PTPRN2: variants seen among roughly 807,000 people sequenced by gnomAD.
The protein encoded by PTPRN2 is protein tyrosine phosphatase receptor type N2.
PTPRN2 carries 74 observed loss-of-function variants against 118.8 expected under a neutral mutation model. The ratio of observed to expected loss-of-function variants is 0.62; its 90% confidence interval spans 0.52 to 0.76. PTPRN2 has a LOEUF of 0.76. Ranked by LOEUF, PTPRN2 falls within the 30% of genes least tolerant of loss-of-function variation. PTPRN2 has a pLI of 0.00. For synonymous variants in PTPRN2, 641 were observed against 608.0 expected (o/e 1.05, Z -0.80); for missense variants, 1,481 against 1,394.4 (o/e 1.06, Z -0.99).
intron 14 of PTPRN2, among the ~76,000 whole-genome samples, chr7:157,644,608 C>G (rs1431168976): frequency 6.6e-6 from 1 of 152,098 alleles, no homozygotes; most frequent in East Asian, 1.9e-4. Context: ...TCAGCCTGAC[C>G]AACATGGAGA....
intron 2 of PTPRN2, among the ~76,000 whole-genome samples, chr7:158,472,798 G>A (rs1819961440): frequency 6.6e-6 from 1 of 152,184 alleles, no homozygotes; most frequent in South Asian, 2.1e-4. Context: ...GGGCCCGAGA[G>A]CTGGCCGTCC....
At position 157,729,861 on chromosome 7, in the gene PTPRN2, T is replaced by G. The variant is rs1799796354; in HGVS notation, c.1789-46924A>C. ...ATGAGGGAAGGACCGTCCATTTGAC[T>G]GGGCCACAGGTGTTTAGATTAAACC... On this transcript the variant is annotated intron_variant, in intron 12 of 22. Coordinates refer to ENST00000389418, the MANE Select transcript of PTPRN2 (RefSeq NM_002847.5). The surrounding 1 kb of genome is among the most constrained non-coding windows in gnomAD (Gnocchi z 4.3). Among the ~76,000 whole-genome samples, 1 of 152,142 alleles carries G rather than the reference T, an allele frequency of 6.6e-6. No homozygotes were observed. The highest frequency in any genetic ancestry group is 6.5e-5 in the Admixed American group (1 of 15,268).
intron 13 of PTPRN2, among the ~76,000 whole-genome samples, chr7:157,657,875 C>A (rs1439908632): frequency 1.8e-5 from 2 of 112,588 alleles, no homozygotes; most frequent in Admixed American, 1.8e-4. Context: ...ACACACACAC[C>A]ACACACACAC....
intron 2 of PTPRN2, among the ~76,000 whole-genome samples, chr7:158,393,920 C>T (rs115548970): frequency 0.01 from 1,551 of 152,148 alleles, 30 homozygotes; most frequent in African/African-American, 0.035. Flanking sequence ...ACCCAAACCC[C>T]AAGGACACCA....
At chr7:158,070,464 CCGTGGTGGTGGAGGTGCT>C (rs1811178324) in intron 11 of PTPRN2, among the ~76,000 whole-genome samples, 1 of 70,290 alleles carries the variant, frequency 1.4e-5, no homozygotes, top group African/African-American at 6.8e-5. Flanking sequence ...GTGGAGGTGC[CCGTGGTGGTGGAGGTGCT>C]CCTGGTGGTG....
intron 1 of PTPRN2, among the ~76,000 whole-genome samples, chr7:158,501,279 C>T (rs1259923601): frequency 1.3e-5 from 2 of 152,196 alleles, no homozygotes; most frequent in African/African-American, 4.8e-5. Context: ...AGACCCTCTC[C>T]CCGCCCGGGG....
chr7:157,697,758 T>C (rs1241221931), intron 12 of PTPRN2, among the ~76,000 whole-genome samples: 3 of 143,086 alleles, frequency 2.1e-5, no homozygotes, highest in African/African-American at 7.9e-5. Context: ...CGTCTACCCA[T>C]GCATACTGGA....
At position 158,550,456 on chromosome 7, in the gene PTPRN2, C is replaced by T. The variant is rs564070930; in HGVS notation, c.112+37102G>A. ...CTTTAACACCCAGTTCAGGTGCCTC[C>T]CCTAAGACAGGGCTGAGGTCTGGGC... On this transcript the variant is annotated intron_variant, in intron 1 of 22. Transcript: ENST00000389418. Among the ~76,000 whole-genome samples, 7 of 152,380 alleles carry T rather than the reference C, an allele frequency of 4.6e-5. No homozygotes were observed. The East Asian group carries it at 1.4e-3, about 29-fold the overall frequency.
intron 12 of PTPRN2, among the ~76,000 whole-genome samples, chr7:157,833,332 C>T (rs370717786): frequency 6.5e-4 from 96 of 146,760 alleles, no homozygotes; most frequent in African/African-American, 2.2e-3. Context: ...CGTCCAGGAG[C>T]GAGATGTGGC....
chr7:157,572,083 C>T (rs547118866), intron 19 of PTPRN2, among the ~76,000 whole-genome samples: 8 of 152,266 alleles, frequency 5.3e-5, no homozygotes, highest in Non-Finnish European at 1.2e-4. Flanking sequence ...CTTCATTGTG[C>T]AGAGTTTAGA....
At chr7:158,333,873 C>A (rs1422299839) in intron 2 of PTPRN2, among the ~76,000 whole-genome samples, 3 of 145,078 alleles carry the variant, frequency 2.1e-5, no homozygotes, top group Admixed American at 6.8e-5. Context: ...TCACTCACAC[C>A]CACACTCTCA....
chr7:157,595,675 G>C (rs1801293469), intron 16 of PTPRN2, among the ~76,000 whole-genome samples: 1 of 151,890 alleles, frequency 6.6e-6, no homozygotes, highest in South Asian at 2.1e-4. Context: ...GAGCCCAGAG[G>C]TTAGGGAGCC....
Position 158,081,402 on chromosome 7 carries a change from T to C in PTPRN2, c.1644-25A>G, listed in dbSNP as rs199710846. ...CCTGGAAGGGATAATTTAAAATAAG[T>C]TCATAACGAAGTCTACGCGCCACAC... is the stretch of plus-strand genomic sequence containing the variant. On this transcript the variant is annotated intron_variant, in intron 10 of 22. Coordinates refer to ENST00000389418, the MANE Select transcript of PTPRN2 (RefSeq NM_002847.5). 1,323 of 1,608,210 alleles carry C rather than the reference T, an allele frequency of 8.2e-4. 1 individual carries two copies. The highest frequency in any genetic ancestry group is 1.1e-3 in the Non-Finnish European group (1,239 of 1,174,812).
chr7:157,824,095 G>A (rs535546943), intron 12 of PTPRN2, among the ~76,000 whole-genome samples: 3 of 152,272 alleles, frequency 2.0e-5, no homozygotes, highest in South Asian at 4.1e-4. Context: ...CAATCCCCCT[G>A]AACCCAGCGA....
intron 11 of PTPRN2, among the ~76,000 whole-genome samples, chr7:157,950,674 C>A (rs1181519893): frequency 6.6e-6 from 1 of 152,212 alleles, no homozygotes; most frequent in African/African-American, 2.4e-5. Context: ...TGTGCAGCCG[C>A]CTCACCCATG....
chr7:158,185,640 G>C (rs1825070635), intron 5 of PTPRN2, among the ~76,000 whole-genome samples: 1 of 152,174 alleles, frequency 6.6e-6, no homozygotes, highest in Admixed American at 6.5e-5. Flanking sequence ...AGTCCACTCT[G>C]TCTAATATTA....
At chr7:157,813,000 AG>A (rs940675711) in intron 12 of PTPRN2, among the ~76,000 whole-genome samples, 1 of 152,186 alleles carries the variant, frequency 6.6e-6, no homozygotes, top group Non-Finnish European at 1.5e-5. Context: ...CCCGGACCAC[AG>A]CCTCTGGATG....
chr7:158,128,855 G>T (rs1817915744), intron 9 of PTPRN2, among the ~76,000 whole-genome samples: 1 of 152,082 alleles, frequency 6.6e-6, no homozygotes, highest in African/African-American at 2.4e-5. Flanking sequence ...CAGGACACCT[G>T]CAGGGAAACA....
rs548744834 is a variant in PTPRN2 at position 158,464,606 on chromosome 7, C to A, written c.163+25129G>T. Among the ~76,000 whole-genome samples the A allele has an allele frequency of 2.5e-4, 38 of 151,452 alleles. 1 individual carries two copies. The highest frequency in any genetic ancestry group is 9.2e-4 in the African/African-American group (38 of 41,208). ...CCGTCATCATCCATACCGTCACCATCATTGCCATGCCATTTAGTAAACAAT... is the reference window on the plus strand; with the variant it reads ...CCGTCATCATCCATACCGTCACCATAATTGCCATGCCATTTAGTAAACAAT... On this transcript the variant is annotated intron_variant, in intron 2 of 22. Coordinates refer to ENST00000389418, the MANE Select transcript of PTPRN2 (RefSeq NM_002847.5).
Sources: allele counts gnomAD v4.1 joint callset (sites outside exome capture counted in the v4.1 genomes callset), GRCh38; gene constraint gnomAD v4.1.1; non-coding constraint Gnocchi (gnomAD v3.1); transcripts MANE v1.5; gene names NCBI Gene and HGNC (gene_info 2026-07-23, HGNC 2026-07-21).